The following THAP12 variants were observed in gnomAD, a reference collection of about 807,000 sequenced individuals.
THAP12 encodes THAP domain containing 12, also known as 52 kDa repressor of the inhibitor of the protein kinase.
Under a neutral mutation model 63.0 loss-of-function variants are expected in THAP12, and 20 were observed. The ratio of observed to expected loss-of-function variants is 0.32; its 90% CI spans 0.22 to 0.46. The LOEUF (loss-of-function observed/expected upper bound fraction) is 0.46, where lower values mean the gene tolerates loss of function less well. Among genes scored for constraint, THAP12 ranks in the 20% least tolerant of loss-of-function variants. THAP12 has a pLI of 1.00. For missense variants in THAP12, 568 were observed against 908.2 expected (o/e 0.63, Z 4.81); for synonymous variants, 264 against 328.4 (o/e 0.80, Z 2.12).
At chr11:76,374,333 T>C (rs1189723931) in intron 1 of THAP12, among the ~76,000 whole-genome samples, 1 of 150,344 alleles carries the variant, frequency 6.7e-6, no homozygotes, top group African/African-American at 2.5e-5. Flanking sequence ...ATTTGGAAAA[T>C]ATTAGTTCAG....
intron 4 of THAP12, among the ~76,000 whole-genome samples, chr11:76,353,073 C>T (rs2618062): frequency 6.6e-6 from 1 of 152,072 alleles, no homozygotes; most frequent in Admixed American, 6.5e-5. Context: ...AGAAGTAGAG[C>T]GGGGAGTCTC....
Position 76,351,705 on chromosome 11 carries a change from G to T in THAP12, c.1445C>A (p.Thr482Asn), listed in dbSNP as rs1946528089. The change falls in exon 5 of 5, where the codon ACT (threonine) becomes AAT (asparagine). Residue 482 changes from threonine to asparagine, a missense_variant. Transcript: ENST00000260045. ...SAVSDFDFIVTIVVLKNVLSF... is the reference protein window; with the variant it reads ...SAVSDFDFIVNIVVLKNVLSF... ...TAGGACATTTTTAAGAACAACAATA[G>T]TAACAATGAAATCAAAATCTGACAC... The T allele has an allele frequency of 1.2e-6, 2 of 1,603,400 alleles. No homozygotes were observed. Among genetic ancestry groups the T allele is most frequent in the Non-Finnish European group, 1.7e-6 (2 of 1,175,806 alleles).
rs754983541 is a variant in THAP12 at position 76,373,220 on chromosome 11, C to A, written c.90-7248G>T. Among the ~76,000 whole-genome samples, 29 of 150,512 alleles carry A rather than the reference C, an allele frequency of 1.9e-4. 1 individual carries two copies. Among genetic ancestry groups the A allele is most frequent in the Admixed American group, 9.3e-4 (14 of 15,076 alleles). ...AATTAGCCAGGCATGGTGGTATGTA[C>A]CTGCAGTCCCAGCTACTTGGGAGGA... On this transcript the variant is annotated intron_variant, in intron 1 of 4. Transcript: ENST00000260045.
In THAP12 at chr11:76,367,085, T is replaced by C. The variant is rs140399383; in HGVS notation, c.90-1113A>G. Among the ~76,000 whole-genome samples, 585 of 152,158 alleles carry C rather than the reference T, an allele frequency of 3.8e-3. 2 individuals carry two copies. The highest frequency in any genetic ancestry group is 0.014 in the African/African-American group (562 of 41,544). The stretch of plus-strand genomic sequence containing the variant: ...TCCTCAAATTTCTTTTCTTTTCTTT[T>C]TTTTTTTTGAGACAGAGTTTTGCTC... On this transcript the variant is annotated intron_variant, in intron 1 of 4. Coordinates refer to ENST00000260045, the MANE Select transcript of THAP12 (RefSeq NM_004705.4).
chr11:76,367,654 C>T (rs1043810292), intron 1 of THAP12, among the ~76,000 whole-genome samples: 3 of 151,850 alleles, frequency 2.0e-5, no homozygotes, highest in Admixed American at 6.6e-5. Flanking sequence ...AACTCCAGAT[C>T]GCAGGTGATC....
intron 1 of THAP12, among the ~76,000 whole-genome samples, chr11:76,371,810 C>CTTTTTTTTTTTTTTT (rs71036086): frequency 1.5e-5 from 1 of 65,774 alleles, no homozygotes; most frequent in Non-Finnish European, 2.9e-5. Context: ...TTTAACTTTT[C>CTTTTTTTTTTTTTTT]TTTTTTTTTT....
chr11:76,354,124 A>G (rs1406900625), intron 4 of THAP12, among the ~76,000 whole-genome samples: 1 of 152,228 alleles, frequency 6.6e-6, no homozygotes, highest in Non-Finnish European at 1.5e-5. Flanking sequence ...GTTGGTGAGA[A>G]TTATTCTAGC....
At chr11:76,378,847 G>GATCC (rs1249738962) in intron 1 of THAP12, among the ~76,000 whole-genome samples, 1 of 152,066 alleles carries the variant, frequency 6.6e-6, no homozygotes, top group Non-Finnish European at 1.5e-5. Context: ...GACCTCAAGT[G>GATCC]ATCCGCCTGC....
chr11:76,379,015 G>A (rs1456028301), intron 1 of THAP12, among the ~76,000 whole-genome samples: 2 of 152,084 alleles, frequency 1.3e-5, no homozygotes, highest in East Asian at 1.9e-4. Flanking sequence ...AAATGCTCAC[G>A]TTAAAAATCT....
intron 1 of THAP12, among the ~76,000 whole-genome samples, chr11:76,377,352 A>C (rs974846265): frequency 1.3e-5 from 2 of 152,176 alleles, no homozygotes; most frequent in Non-Finnish European, 2.9e-5. Context: ...TAATTCTAAA[A>C]CATTTTCATC....
chr11:76,355,819 T>C (rs1319320455), intron 3 of THAP12, 165 bp from the exon 4 acceptor site: 2 of 504,158 alleles, frequency 4.0e-6, no homozygotes, highest in African/African-American at 2.0e-5. Flanking sequence ...AAACAGACAA[T>C]GAGAAAACCA....
Position 76,351,689 on chromosome 11 carries a change from T to C in THAP12, c.1461A>G (p.Lys487=), listed in dbSNP as rs1946527976. 6.3e-7 allele frequency: 1 copy of C among 1,590,156 alleles called. No homozygotes were observed. Among genetic ancestry groups the C allele is most frequent in the Non-Finnish European group, 8.5e-7 (1 of 1,169,592 alleles). The change falls in exon 5 of 5, where the codon AAA becomes AAG. Residue 487 remains lysine (K), a synonymous_variant. Coordinates refer to ENST00000260045, the MANE Select transcript of THAP12 (RefSeq NM_004705.4). ...AGGCTCTTGTAAAAGATAGGACATT[T>C]TTAAGAACAACAATAGTAACAATGA... ...FDFIVTIVVL[K]NVLSFTRAFG... is the part of the protein sequence containing the mutation.
intron 1 of THAP12, among the ~76,000 whole-genome samples, chr11:76,380,375 G>A (rs997981511): frequency 6.6e-6 from 1 of 152,212 alleles, no homozygotes; most frequent in Admixed American, 6.5e-5. Context: ...ATAGAGTCCT[G>A]CTCTCTTTTG....
intron 1 of THAP12, among the ~76,000 whole-genome samples, chr11:76,366,503 A>C (rs887136020): frequency 6.6e-6 from 1 of 152,206 alleles, no homozygotes; most frequent in Non-Finnish European, 1.5e-5. Context: ...AACCCGGTGA[A>C]ACCCCGTCTC....
intron 1 of THAP12, among the ~76,000 whole-genome samples, chr11:76,380,159 A>G (rs985498891): frequency 6.6e-6 from 1 of 152,166 alleles, no homozygotes; most frequent in African/African-American, 2.4e-5. Flanking sequence ...CCACGCCCTC[A>G]CGCGTACACC....
Position 76,352,783 on chromosome 11 carries a change from A to C in THAP12, c.367T>G (p.Ser123Ala). ...TLKQKKIDET[S>A]EQEQKHKETN... Reference sequence around the variant, plus strand: ...TCTTTATGTTTTTGTTCCTGCTCAGAAGTTTCATCAACTGGAAAACAAAGA... The same window carrying C: ...TCTTTATGTTTTTGTTCCTGCTCAGCAGTTTCATCAACTGGAAAACAAAGA... Residue 123 changes from serine (S) to alanine (A), a missense_variant, in exon 5 of 5, where the codon TCT becomes GCT. Transcript: ENST00000260045. 6.6e-7 allele frequency: 1 copy of C among 1,513,300 alleles called. No homozygotes were observed. The highest frequency in any genetic ancestry group is 8.8e-7 in the Non-Finnish European group (1 of 1,132,286). 93.7% of individuals were successfully genotyped at this position (1,513,300 alleles called of 1,614,324 possible). A position where few individuals can be genotyped will look rare whatever the true frequency, so the allele number is the denominator to read the frequency against.
intron 3 of THAP12, 71 bp downstream of exon 3, chr11:76,360,885 A>G: frequency 9.7e-7 from 1 of 1,031,410 alleles, no homozygotes; most frequent in Non-Finnish European, 1.5e-6. Flanking sequence ...TAATTTTAAC[A>G]TAAATGCATC....
chr11:76,366,439 T>C (rs1268464227), intron 1 of THAP12, among the ~76,000 whole-genome samples: 1 of 152,210 alleles, frequency 6.6e-6, no homozygotes, highest in East Asian at 1.9e-4. Flanking sequence ...CCCAGCACTT[T>C]GGGAGGCCAA....
intron 4 of THAP12, among the ~76,000 whole-genome samples, 164 bp downstream of exon 4, chr11:76,355,454 A>T (rs1012607386): frequency 6.6e-6 from 1 of 152,178 alleles, no homozygotes; most frequent in Non-Finnish European, 1.5e-5. Flanking sequence ...CTAAAATTAG[A>T]CTTTAGTCTC....
Sources: gnomAD v4.1 joint callset for allele counts (sites outside exome capture counted in the v4.1 genomes callset) on GRCh38, gnomAD v4.1.1 for gene constraint, MANE v1.5 for transcripts, NCBI Gene and HGNC (gene_info 2026-07-23, HGNC 2026-07-21) for gene names.